The following PDE4D variants were observed in gnomAD, a reference collection of about 807,000 sequenced individuals.
The protein encoded by PDE4D is phosphodiesterase 4D.
Under a neutral mutation model 87.4 loss-of-function variants are expected in PDE4D, and 24 were observed. The ratio of observed to expected loss-of-function variants is 0.27; its 90% CI spans 0.20 to 0.39. PDE4D has a LOEUF of 0.39. Among genes scored for constraint, PDE4D ranks in the 10% least tolerant of loss-of-function variants. PDE4D has a pLI of 1.00. For missense variants in PDE4D, 714 were observed against 1,041.0 expected, an observed-to-expected ratio of 0.69 and a Z score of 4.32; for synonymous variants, 384 against 383.2, an observed-to-expected ratio of 1.00 and a Z score of -0.02.
intron 1 of PDE4D, among the ~76,000 whole-genome samples, chr5:59,808,178 C>CCA (rs1767954015): frequency 6.6e-6 from 1 of 152,202 alleles, no homozygotes; most frequent in Non-Finnish European, 1.5e-5. Flanking sequence ...TCCTGAGCCC[C>CCA]CATGGGCTTG....
intron 2 of PDE4D, among the ~76,000 whole-genome samples, chr5:60,077,970 A>C (rs1488386646): frequency 6.6e-6 from 1 of 152,084 alleles, no homozygotes; most frequent in Non-Finnish European, 1.5e-5. Context: ...GCAGCCCAGC[A>C]TCTGTGTCTT....
intron 2 of PDE4D, among the ~76,000 whole-genome samples, chr5:60,044,274 C>G (rs564535399): frequency 1.3e-5 from 2 of 152,082 alleles, no homozygotes; most frequent in African/African-American, 4.8e-5. Flanking sequence ...TAGATATATA[C>G]ACTTATTATG....
chr5:59,184,346 G>C (rs1379450935), intron 4 of PDE4D, among the ~76,000 whole-genome samples: 1 of 152,076 alleles, frequency 6.6e-6, no homozygotes, highest in African/African-American at 2.4e-5. Flanking sequence ...AATCTGGGAG[G>C]TCAATTTTAT....
At chr5:59,405,162 G>A (rs1167702860) in intron 1 of PDE4D, among the ~76,000 whole-genome samples, 1 of 152,094 alleles carries the variant, frequency 6.6e-6, no homozygotes, top group Non-Finnish European at 1.5e-5. Flanking sequence ...TCTGAAGATT[G>A]CTTTGGGTAC....
At chr5:60,291,751 T>C (rs1361318807) in intron 1 of PDE4D, among the ~76,000 whole-genome samples, 1 of 151,948 alleles carries the variant, frequency 6.6e-6, no homozygotes, top group African/African-American at 2.4e-5. Flanking sequence ...TTGTATAGAA[T>C]ACAGTGGGAA....
intron 2 of PDE4D, among the ~76,000 whole-genome samples, chr5:60,162,458 T>C (rs924909609): frequency 6.6e-6 from 1 of 152,182 alleles, no homozygotes; most frequent in Non-Finnish European, 1.5e-5. Flanking sequence ...CCATTTGCTT[T>C]GTTGTTACAT....
intron 1 of PDE4D, among the ~76,000 whole-genome samples, chr5:60,481,336 A>G (rs1435673031): frequency 1.3e-5 from 2 of 152,192 alleles, no homozygotes; most frequent in African/African-American, 4.8e-5. Context: ...ATCTGAAAAA[A>G]AATTGTTTAC....
chr5:60,113,055 T>C (rs1777837465), intron 2 of PDE4D, among the ~76,000 whole-genome samples: 1 of 152,100 alleles, frequency 6.6e-6, no homozygotes, highest in Non-Finnish European at 1.5e-5. Context: ...AATTATTGTA[T>C]GAAAAAGTCC....
intron 1 of PDE4D, among the ~76,000 whole-genome samples, chr5:59,778,281 T>G (rs911510257): frequency 6.6e-6 from 1 of 152,204 alleles, no homozygotes; most frequent in Non-Finnish European, 1.5e-5. Context: ...TAAGAAAGTA[T>G]GCATCCGCCA....
At chr5:60,258,939 T>G (rs1435510264) in intron 1 of PDE4D, among the ~76,000 whole-genome samples, 1 of 152,160 alleles carries the variant, frequency 6.6e-6, no homozygotes, top group Middle Eastern at 3.4e-3. Flanking sequence ...GCAGGAAATA[T>G]GTCTAGAGAG....
chr5:59,778,927 G>A (rs1270069938), intron 1 of PDE4D, among the ~76,000 whole-genome samples: 1 of 152,148 alleles, frequency 6.6e-6, no homozygotes, highest in East Asian at 1.9e-4. Flanking sequence ...CACTTTGGGA[G>A]GCCAAGTTGG....
At chr5:60,229,399 A>C (rs909871292) in intron 1 of PDE4D, among the ~76,000 whole-genome samples, 1 of 152,180 alleles carries the variant, frequency 6.6e-6, no homozygotes, top group East Asian at 1.9e-4. Context: ...TGTTTTTGTC[A>C]GTCACAATGT....
At chr5:59,819,791 G>T (rs1412959012) in intron 1 of PDE4D, among the ~76,000 whole-genome samples, 1 of 152,180 alleles carries the variant, frequency 6.6e-6, no homozygotes, top group East Asian at 1.9e-4. Context: ...AAGTGGGAGA[G>T]GAGGTGGTAA....
intron 1 of PDE4D, among the ~76,000 whole-genome samples, chr5:59,755,270 A>G (rs995590334): frequency 3.3e-5 from 5 of 152,170 alleles, no homozygotes; most frequent in African/African-American, 1.2e-4. Context: ...GGTCATGGTT[A>G]TCTAGCTAAA....
intron 1 of PDE4D, among the ~76,000 whole-genome samples, chr5:59,882,654 C>G (rs940768935): frequency 6.6e-6 from 1 of 151,946 alleles, no homozygotes. Flanking sequence ...CATTTTGCAA[C>G]TAGATTATCT....
chr5:60,074,743 T>A (rs537505767), intron 2 of PDE4D, among the ~76,000 whole-genome samples: 3 of 152,350 alleles, frequency 2.0e-5, no homozygotes, highest in Non-Finnish European at 4.4e-5. Context: ...AATTAAAACC[T>A]TTACCATTAC....
intron 1 of PDE4D, among the ~76,000 whole-genome samples, chr5:59,388,374 G>C (rs1787523351): frequency 6.6e-6 from 1 of 151,980 alleles, no homozygotes; most frequent in Admixed American, 6.6e-5. Flanking sequence ...AAGGGAAGAT[G>C]TTTACACTGT....
chr5:60,511,020 A>G (rs2150255495), intron 1 of PDE4D, among the ~76,000 whole-genome samples: 1 of 152,214 alleles, frequency 6.6e-6, no homozygotes, highest in Middle Eastern at 3.4e-3. Context: ...CCCAGGCTGG[A>G]GTGGAGTGCA....
At chr5:59,256,257 C>T (rs1760940435) in intron 1 of PDE4D, among the ~76,000 whole-genome samples, 1 of 151,968 alleles carries the variant, frequency 6.6e-6, no homozygotes, top group South Asian at 2.1e-4. Context: ...GTAGTTAGAG[C>T]ATTAAAAAGG....
Sources: gnomAD v4.1 joint callset for allele counts (sites outside exome capture counted in the v4.1 genomes callset) on GRCh38, gnomAD v4.1.1 for gene constraint, MANE v1.5 for transcripts, NCBI Gene and HGNC (gene_info 2026-07-23, HGNC 2026-07-21) for gene names.